RAB43: variants seen among roughly 807,000 people sequenced by gnomAD.
The protein encoded by RAB43 is RAB43, member RAS oncogene family.
RAB43 carries 6 observed loss-of-function variants against 18.8 expected under a neutral mutation model. That is an observed-to-expected ratio of 0.32 (90% CI 0.17 to 0.63). The LOEUF (loss-of-function observed/expected upper bound fraction) is 0.63, where lower values mean the gene tolerates loss of function less well. Ranked by LOEUF, RAB43 falls within the 30% of genes least tolerant of loss-of-function variation. RAB43 has a pLI of 0.79. For missense variants in RAB43, 195 were observed against 289.1 expected (o/e 0.67, Z 2.36); for synonymous variants, 103 against 124.1 (o/e 0.83, Z 1.13).
intron 2 of RAB43, chr3:129,092,608 A>C (rs1933737397): frequency 4.6e-6 from 3 of 659,262 alleles, no homozygotes; most frequent in African/African-American, 3.6e-5. Context: ...AAATATATGT[A>C]TGTATATAAG....
intron 1 of RAB43, among the ~76,000 whole-genome samples, chr3:129,120,142 C>T (rs1369446142): frequency 6.6e-6 from 1 of 152,214 alleles, no homozygotes; most frequent in Non-Finnish European, 1.5e-5. Flanking sequence ...GTCACATCTA[C>T]TGAGAGGCAC....
chr3:129,097,890 T>C (rs532983470), intron 1 of RAB43, among the ~76,000 whole-genome samples: 59 of 152,196 alleles, frequency 3.9e-4, no homozygotes, highest in African/African-American at 1.4e-3. Flanking sequence ...CTCATGATCA[T>C]TGTGACACTC....
At chr3:129,116,956 G>T (rs1935574684) in intron 1 of RAB43, among the ~76,000 whole-genome samples, 2 of 141,580 alleles carry the variant, frequency 1.4e-5, no homozygotes. Flanking sequence ...GGGGAGGAGG[G>T]AGGGGTGGGG....
At chr3:129,110,109 C>T (rs1935061412) in intron 1 of RAB43, among the ~76,000 whole-genome samples, 1 of 152,118 alleles carries the variant, frequency 6.6e-6, no homozygotes. Context: ...TAGCAATCCG[C>T]CCGCTTCTGC....
At position 129,121,230 on chromosome 3, in the gene RAB43, G is replaced by A. The variant is rs1272675834; in HGVS notation, c.204+56C>T. 17 of 1,457,874 alleles carry A rather than the reference G, an allele frequency of 1.2e-5. No individual in the cohort carries two copies. In the East Asian group the frequency reaches 2.4e-4, roughly 21 times the overall value. 90.3% of individuals were successfully genotyped at this position (1,457,874 alleles called of 1,614,324 possible). On this transcript the variant is annotated intron_variant, in intron 1 of 2. Transcript: ENST00000315150. ...GCTCGCCGCGGCCAGGGGCTCCGCT[G>A]CCCCCGCCCCACCCTCCGAGGGAGC...
At chr3:129,116,800 T>C (rs1935561200) in intron 1 of RAB43, among the ~76,000 whole-genome samples, 1 of 152,190 alleles carries the variant, frequency 6.6e-6, no homozygotes, top group African/African-American at 2.4e-5. Flanking sequence ...ACCTCTGCGC[T>C]GGACTTGAGG....
At chr3:129,110,640 G>A (rs1192895408) in intron 1 of RAB43, among the ~76,000 whole-genome samples, 2 of 152,038 alleles carry the variant, frequency 1.3e-5, no homozygotes, top group Admixed American at 6.6e-5. Flanking sequence ...AGATCAAGAC[G>A]ATCCTGACTA....
chr3:129,111,956 C>T (rs1292309873), intron 1 of RAB43, among the ~76,000 whole-genome samples: 2 of 152,020 alleles, frequency 1.3e-5, no homozygotes, highest in Non-Finnish European at 2.9e-5. Context: ...CAGTTAAAAG[C>T]CAAGAGTAAA....
intron 1 of RAB43, among the ~76,000 whole-genome samples, chr3:129,112,778 T>C (rs1208221510): frequency 2.0e-5 from 3 of 150,934 alleles, no homozygotes; most frequent in Non-Finnish European, 4.4e-5. Context: ...TGAGACAGGG[T>C]CTCACTCTGT....
At chr3:129,110,723 T>C (rs955192672) in intron 1 of RAB43, among the ~76,000 whole-genome samples, 6 of 152,116 alleles carry the variant, frequency 3.9e-5, no homozygotes, top group African/African-American at 7.2e-5. Context: ...TGGCTGCTTA[T>C]GGTGATGAGG....
At chr3:129,092,405 A>T in intron 2 of RAB43, 1 of 620,792 alleles carries the variant, frequency 1.6e-6, no homozygotes, top group East Asian at 3.0e-5. Context: ...TACAGATGAG[A>T]GGAGGTTGGA....
chr3:129,121,257 C>T, intron 1 of RAB43, 29 bp downstream of exon 1: 1 of 1,565,372 alleles, frequency 6.4e-7, no homozygotes, highest in Non-Finnish European at 8.7e-7. Flanking sequence ...CGAGGGAGCG[C>T]CTTCCAGGGG....
At chr3:129,118,333 G>A (rs1935680697) in intron 1 of RAB43, among the ~76,000 whole-genome samples, 1 of 152,198 alleles carries the variant, frequency 6.6e-6, no homozygotes, top group South Asian at 2.1e-4. Flanking sequence ...CAGAAATAAA[G>A]TAATTTGATT....
chr3:129,091,544 T>C (rs1933657418), intron 2 of RAB43, among the ~76,000 whole-genome samples, 198 bp from the exon 3 acceptor site: 1 of 152,130 alleles, frequency 6.6e-6, no homozygotes, highest in Non-Finnish European at 1.5e-5. Flanking sequence ...CCCAACACTT[T>C]GGGAAGCTAA....
intron 1 of RAB43, among the ~76,000 whole-genome samples, chr3:129,099,533 C>G (rs4549287): frequency 1.3e-5 from 2 of 152,128 alleles, no homozygotes; most frequent in Non-Finnish European, 2.9e-5. Flanking sequence ...ATTATGGGCA[C>G]GTGCCATCAC....
chr3:129,113,084 T>C (rs887252713), intron 1 of RAB43, among the ~76,000 whole-genome samples: 1 of 151,958 alleles, frequency 6.6e-6, no homozygotes, highest in Non-Finnish European at 1.5e-5. Flanking sequence ...GAAATGCATA[T>C]ACAATTACTC....
At chr3:129,096,304 G>A (rs757356877) in intron 1 of RAB43, among the ~76,000 whole-genome samples, 2 of 152,250 alleles carry the variant, frequency 1.3e-5, no homozygotes, top group Non-Finnish European at 2.9e-5. Flanking sequence ...CAACACAGAA[G>A]TCTGAGAGTG....
At chr3:129,098,331 C>T (rs562780929) in intron 1 of RAB43, among the ~76,000 whole-genome samples, 24 of 152,318 alleles carry the variant, frequency 1.6e-4, no homozygotes, top group African/African-American at 5.5e-4. Flanking sequence ...ACACCTTAGT[C>T]TTTCCACATA....
rs1487106648 is a variant in RAB43 at position 129,115,789 on chromosome 3, C to T, written c.204+5497G>A. On this transcript the variant is annotated intron_variant, in intron 1 of 2. Transcript: ENST00000315150. The stretch of plus-strand genomic sequence containing the variant: ...TGAGCCGAGATCACACCACTCCACT[C>T]CCTCCTGGACGACAGAGTGAGATTC... Among the ~76,000 whole-genome samples, 3 of 152,300 alleles carry T rather than the reference C, an allele frequency of 2.0e-5. No individual in the cohort carries two copies. In the East Asian group the frequency reaches 5.8e-4, roughly 29 times the overall value.
Sources: allele counts gnomAD v4.1 joint callset (sites outside exome capture counted in the v4.1 genomes callset), GRCh38; gene constraint gnomAD v4.1.1; transcripts MANE v1.5; gene names NCBI Gene and HGNC (gene_info 2026-07-23, HGNC 2026-07-21).